Variants in INSR observed in about 807,000 individuals in gnomAD.
The protein encoded by INSR is insulin receptor, also known as IR.
In INSR, 67 loss-of-function variants were observed where a neutral mutation model predicts 142.6. The observed-to-expected ratio is 0.47, with a 90% CI of 0.39 to 0.58. The LOEUF (loss-of-function observed/expected upper bound fraction) is 0.58. Ranked by LOEUF, INSR falls within the 20% of genes least tolerant of loss-of-function variation. The pLI, the probability that INSR is intolerant of heterozygous loss-of-function variation, is 0.00. For synonymous variants in INSR, 756 were observed against 743.1 expected (o/e 1.02, Z -0.28); for missense variants, 1,248 against 1,833.2 (o/e 0.68, Z 5.83).
intron 2 of INSR, among the ~76,000 whole-genome samples, chr19:7,214,043 G>A (rs1039142119): frequency 6.6e-6 from 1 of 151,962 alleles, no homozygotes; most frequent in African/African-American, 2.4e-5. Context: ...AACCCAGACA[G>A]GTTGGCTGTT....
intron 13 of INSR, among the ~76,000 whole-genome samples, chr19:7,141,183 G>A (rs573413963): frequency 6.6e-6 from 1 of 152,190 alleles, no homozygotes; most frequent in African/African-American, 2.4e-5. Flanking sequence ...GGCCTCCTGA[G>A]TAGCTGGGAT....
At chr19:7,224,159 G>A (rs572049121) in intron 2 of INSR, among the ~76,000 whole-genome samples, 1 of 151,366 alleles carries the variant, frequency 6.6e-6, no homozygotes, top group Non-Finnish European at 1.5e-5. Flanking sequence ...GGCCAGGATG[G>A]TCTCGATCTC....
In INSR at chr19:7,180,810, A is replaced by G. The variant is rs548595035; in HGVS notation, c.974+3506T>C. Among the ~76,000 whole-genome samples the G allele has an allele frequency of 2.1e-3, 314 of 152,270 alleles. 1 individual carries two copies. Among genetic ancestry groups the G allele is most frequent in the African/African-American group, 7.1e-3 (293 of 41,554 alleles). ...TCCTGCGGTAACGACCACCACGGCCAGGGGGCACCGGAATGAAATGAGAAT... is the reference window on the plus strand; with the variant it reads ...TCCTGCGGTAACGACCACCACGGCCGGGGGGCACCGGAATGAAATGAGAAT... On this transcript the variant is annotated intron_variant, in intron 3 of 21. Coordinates refer to ENST00000302850, the MANE Select transcript of INSR (RefSeq NM_000208.4).
intron 1 of INSR, among the ~76,000 whole-genome samples, chr19:7,292,470 T>TGGGGGGGGGGGG (rs755617421): frequency 4.0e-5 from 4 of 100,848 alleles, no homozygotes; most frequent in Admixed American, 1.1e-4. Flanking sequence ...GGGGCGGGGC[T>TGGGGGGGGGGGG]GGGGGGGGGT....
Position 7,159,389 on chromosome 19 carries a change from T to TCTAG in INSR, c.2029+3639_2029+3642dup, listed in dbSNP as rs1973692818. On this transcript the variant is annotated intron_variant, in intron 9 of 21. Coordinates refer to ENST00000302850, the MANE Select transcript of INSR (RefSeq NM_000208.4). The surrounding 1 kb of genome is among the most constrained non-coding windows in gnomAD (Gnocchi z 4.3). ...TTTCTGTCTCTATGAATCTGAGGAC[T>TCTAG]CTAGGGACCTCCTAGGAGTGAAATC... is the stretch of plus-strand genomic sequence containing the variant. The TCTAG allele has an allele frequency of 6.6e-6, 1 of 152,098 alleles. No individual in the cohort carries two copies. The highest frequency in any genetic ancestry group is 2.1e-4 in the South Asian group (1 of 4,832). The allele number at this position is 152,098 out of a possible 1,614,324, so 9.4% of individuals were successfully genotyped here.
At chr19:7,211,968 G>A (rs370123300) in intron 2 of INSR, among the ~76,000 whole-genome samples, 6 of 152,192 alleles carry the variant, frequency 3.9e-5, no homozygotes, top group African/African-American at 1.2e-4. Context: ...ACTCTGGGGT[G>A]GATAATTCCC....
chr19:7,187,978 C>T (rs1483722338), intron 2 of INSR, among the ~76,000 whole-genome samples: 2 of 152,102 alleles, frequency 1.3e-5, no homozygotes, highest in Admixed American at 1.3e-4. Context: ...GGTCTAATCC[C>T]TGCCAGTCTT....
chr19:7,210,495 T>A (rs2145071298), intron 2 of INSR, among the ~76,000 whole-genome samples: 1 of 152,102 alleles, frequency 6.6e-6, no homozygotes, highest in East Asian at 1.9e-4. Flanking sequence ...GTGTTTGGCA[T>A]CAAGTCATGG....
chr19:7,289,790 A>G (rs1968443826), intron 1 of INSR, among the ~76,000 whole-genome samples: 1 of 152,140 alleles, frequency 6.6e-6, no homozygotes, highest in Admixed American at 6.6e-5. Context: ...ACTCCTGCAG[A>G]GACGTGCCTG....
intron 11 of INSR, among the ~76,000 whole-genome samples, chr19:7,148,477 C>CTTTTTTTTTTTTTTTTTTTTTTTTTT (rs71177160): frequency 1.1e-5 from 1 of 95,062 alleles, no homozygotes; most frequent in Non-Finnish European, 1.9e-5. Flanking sequence ...TGTATTTATT[C>CTTTTTTTTTTTTTTTTTTTTTTTTTT]TTTTTTTTTT....
Position 7,267,572 on chromosome 19 carries a change from C to A in INSR, c.425G>T (p.Gly142Val). 3 of 1,614,074 alleles carry A rather than the reference C, an allele frequency of 1.9e-6. No individual in the cohort carries two copies. Among genetic ancestry groups the A allele is most frequent in the Non-Finnish European group, 1.7e-6 (2 of 1,180,024 alleles). The change falls in exon 2 of 22, where the codon GGT becomes GTT. Residue 142 changes from glycine to valine, a missense_variant. Coordinates refer to ENST00000302850, the MANE Select transcript of INSR (RefSeq NM_000208.4). The surrounding 1 kb of genome is among the most constrained non-coding windows in gnomAD (Gnocchi z 6.3). The stretch of plus-strand genomic sequence containing the variant: ...ATTGTTCTTCTCGATGCGGACAGAA[C>A]CCCGGGTGATGTTCATCAGGTTGTA... The part of the protein sequence containing the change: ...GLYNLMNITR[G>V]SVRIEKNNEL...
chr19:7,205,501 C>T (rs971286838), intron 2 of INSR, among the ~76,000 whole-genome samples: 3 of 152,146 alleles, frequency 2.0e-5, no homozygotes, highest in African/African-American at 7.2e-5. Flanking sequence ...GCCAGCCATG[C>T]CTGTCAGTCC....
At chr19:7,292,834 G>C (rs1401922831) in intron 1 of INSR, among the ~76,000 whole-genome samples, 1 of 152,138 alleles carries the variant, frequency 6.6e-6, no homozygotes, top group Non-Finnish European at 1.5e-5. Flanking sequence ...TGGGGTCAGG[G>C]GGAACGAAAG....
intron 2 of INSR, among the ~76,000 whole-genome samples, chr19:7,248,192 C>A (rs1161482239): frequency 6.6e-6 from 1 of 150,964 alleles, no homozygotes; most frequent in African/African-American, 2.4e-5. Flanking sequence ...GTCACCCAGG[C>A]TGGAGTGCAG....
chr19:7,247,962 C>T (rs1331007192), intron 2 of INSR, among the ~76,000 whole-genome samples: 1 of 151,978 alleles, frequency 6.6e-6, no homozygotes, highest in Non-Finnish European at 1.5e-5. Flanking sequence ...TAGTGGACAG[C>T]GTCATTCTAG....
intron 1 of INSR, among the ~76,000 whole-genome samples, chr19:7,268,216 G>C (rs1967801300): frequency 6.6e-6 from 1 of 152,130 alleles, no homozygotes; most frequent in Non-Finnish European, 1.5e-5. Flanking sequence ...GGTGCAGAAG[G>C]AGAAAGGGGA....
intron 2 of INSR, among the ~76,000 whole-genome samples, chr19:7,252,569 G>A (rs1976760905): frequency 6.6e-6 from 1 of 152,194 alleles, no homozygotes; most frequent in Non-Finnish European, 1.5e-5. Flanking sequence ...GGCTTTGCAG[G>A]TGGTCAGTAA....
At chr19:7,124,229 C>G (rs1433538416) in intron 17 of INSR, among the ~76,000 whole-genome samples, 3 of 151,238 alleles carry the variant, frequency 2.0e-5, no homozygotes, top group Non-Finnish European at 4.4e-5. Flanking sequence ...ATTAGCTGGG[C>G]GTGGTGGCAG....
chr19:7,252,271 G>A (rs1243513745), intron 2 of INSR, among the ~76,000 whole-genome samples: 1 of 152,078 alleles, frequency 6.6e-6, no homozygotes, highest in Non-Finnish European at 1.5e-5. Flanking sequence ...AAGTAGCCAG[G>A]CGTGGTGGTG....
Sources: allele counts gnomAD v4.1 joint callset (sites outside exome capture counted in the v4.1 genomes callset), GRCh38; gene constraint gnomAD v4.1.1; non-coding constraint Gnocchi (gnomAD v3.1); transcripts MANE v1.5; gene names NCBI Gene and HGNC (gene_info 2026-07-23, HGNC 2026-07-21).